The following SIRT7 variants were observed in gnomAD, a reference collection of about 807,000 sequenced individuals.
SIRT7 encodes NAD-dependent protein deacetylase sirtuin-7.
A neutral mutation model predicts 42.8 loss-of-function variants in SIRT7; 32 were observed. That is an observed-to-expected ratio of 0.75 (90% confidence interval 0.56 to 1.00). The LOEUF (loss-of-function observed/expected upper bound fraction) is 1.00, where lower values mean the gene tolerates loss of function less well. SIRT7 is among the 50% of genes least tolerant of loss of function. The pLI, the probability that SIRT7 is intolerant of heterozygous loss-of-function variation, is 0.00. For missense variants in SIRT7, 553 were observed against 572.2 expected, an observed-to-expected ratio of 0.97 and a Z score of 0.34; for synonymous variants, 297 against 245.2, an observed-to-expected ratio of 1.21 and a Z score of -1.97.
chr17:81,914,105 A>G lies in SIRT7; in HGVS notation c.879T>C (p.Leu293=), dbSNP rs74006135. 21,129 of 1,613,316 alleles carry G rather than the reference A, an allele frequency of 0.013. 2,378 individuals are homozygous for G. In the African/African-American group the frequency reaches 0.24, roughly 19 times the overall value. ...GAGTTACCTGCAGGTTCACGATGTA[A>G]AGCTTCGGCCGCCGGCTAGGGGGCT... ...MTKPPSRRPK[L]YIVNLQWTPK... Residue 293 remains leucine (L), a synonymous_variant, in exon 8 of 10, where the codon CTT becomes CTC. Transcript: ENST00000328666.
Position 81,913,271 on chromosome 17 carries a change from T to C in SIRT7, c.1004+503A>G, listed in dbSNP as rs1167408581. 4.4e-6 allele frequency: 2 copies of C among 455,874 alleles called. No homozygotes were observed. The highest frequency in any genetic ancestry group is 8.8e-6 in the Non-Finnish European group (2 of 227,016). The allele number at this position is 455,874 out of a possible 1,614,324, so 28.2% of individuals were successfully genotyped here. ...TCTTGAACCCTTTGATTAAAAGAAG[T>C]TATTGATTTCCCCTATAAGACCCTG... On this transcript the variant is annotated intron_variant, in intron 9 of 9. Coordinates refer to ENST00000328666, the MANE Select transcript of SIRT7 (RefSeq NM_016538.3). The surrounding 1 kb of genome is among the most constrained non-coding windows in gnomAD (Gnocchi z 5.0).
chr17:81,914,113 GC>G lies in SIRT7; in HGVS notation c.870del (p.Pro291ArgfsTer6). 6.2e-7 allele frequency: 1 copy of G among 1,613,558 alleles called. No individual in the cohort carries two copies. The highest frequency in any genetic ancestry group is 8.5e-7 in the Non-Finnish European group (1 of 1,180,014). On this transcript the variant is annotated frameshift_variant, in exon 8 of 10. Coordinates refer to ENST00000328666, the MANE Select transcript of SIRT7 (RefSeq NM_016538.3). LOFTEE classifies it high-confidence loss of function. ...LWCMTKPPSR[R>X]PKLYIVNLQW... ...TGCAGGTTCACGATGTAAAGCTTCG[GC>G]CGCCGGCTAGGGGGCTTGGTCATGC...
chr17:81,913,967 G>C lies in SIRT7; in HGVS notation c.898-87C>G. 1 of 1,545,948 alleles carries C rather than the reference G, an allele frequency of 6.5e-7. No individual in the cohort carries two copies. The highest frequency in any genetic ancestry group is 1.1e-5 in the South Asian group (1 of 87,014). Reference sequence around the variant, plus strand: ...GCCTTGGCCCCTACGGGCTCAGTCGGTGCTCCCTGAGCACCCACGGGGGCC... The same window carrying C: ...GCCTTGGCCCCTACGGGCTCAGTCGCTGCTCCCTGAGCACCCACGGGGGCC... On this transcript the variant is annotated intron_variant, in intron 8 of 9. Coordinates refer to ENST00000328666, the MANE Select transcript of SIRT7 (RefSeq NM_016538.3). This position sits in a 1 kb window ranked among gnomAD's most constrained non-coding sequence, Gnocchi z 5.0.
chr17:81,914,322 G>T lies in SIRT7; in HGVS notation c.788C>A (p.Thr263Asn). ...AATEAASRAD[T>N]ILCLGSSLKV... ...CAGGCTGGACCCTAGACACAGGATG[G>T]TGTCTGCTCTGCTGGCAGCCTCGGT... Residue 263 changes from threonine to asparagine, a missense_variant, in exon 7 of 10, where the codon ACC (threonine) becomes AAC (asparagine). Physicochemically the swap from Thr to Asn is moderately conservative, Grantham distance 65. Coordinates refer to ENST00000328666, the MANE Select transcript of SIRT7 (RefSeq NM_016538.3). The T allele has an allele frequency of 6.2e-7, 1 of 1,613,108 alleles. No individual in the cohort carries two copies. The highest frequency in any genetic ancestry group is 8.5e-7 in the Non-Finnish European group (1 of 1,180,020).
rs748285777 is a variant in SIRT7, at chr17:81,912,080, G to C, written c.*336C>G. ...TTAAGTAGTAGTAGAAATACGGTGA[G>C]GCCCTGAGACTGGCCTGGTGAGCGA... On this transcript the variant is annotated 3_prime_UTR_variant, in exon 10 of 10. Transcript: ENST00000328666. 4.7e-6 allele frequency: 2 copies of C among 421,354 alleles called. No individual in the cohort carries two copies. The highest frequency in any genetic ancestry group is 8.2e-5 in the Admixed American group (2 of 24,500). The allele number at this position is 421,354 out of a possible 1,614,324, so 26.1% of individuals were successfully genotyped here.
chr17:81,914,682 C>G lies in SIRT7; in HGVS notation c.501G>C (p.Gln167His), dbSNP rs1215884785. 1 of 1,612,832 alleles carries G rather than the reference C, an allele frequency of 6.2e-7. No individual in the cohort carries two copies. Among genetic ancestry groups the G allele is most frequent in the Non-Finnish European group, 8.5e-7 (1 of 1,179,990 alleles). The part of the protein sequence containing the change: ...EQKLVQHVVS[Q>H]NCDGLHLRSG... ...TCCTCAGGTGGAGCCCGTCACAGTT[C>G]TGAGACACCACATGCTGCACCTGGA... The change falls in exon 6 of 10, where the codon CAG (glutamine) becomes CAC (histidine). Residue 167 changes from glutamine to histidine, a missense_variant. Physicochemically the swap from Gln to His is conservative, Grantham distance 24 (BLOSUM62 0). Coordinates refer to ENST00000328666, the MANE Select transcript of SIRT7 (RefSeq NM_016538.3).
chr17:81,917,971 C>A lies in SIRT7; in HGVS notation c.94-4G>T. 1 of 1,339,628 alleles carries A rather than the reference C, an allele frequency of 7.5e-7. No individual in the cohort carries two copies. The allele number at this position is 1,339,628 out of a possible 1,614,324, so 83.0% of individuals were successfully genotyped here. Reference sequence around the variant, plus strand: ...CCTTCCTCAGGATGCGCGACACCTGCGGGCAGGCGGACGGTGAGCGGCGGC... The same window carrying A: ...CCTTCCTCAGGATGCGCGACACCTGAGGGCAGGCGGACGGTGAGCGGCGGC... On this transcript the variant is annotated splice_region_variant and splice_polypyrimidine_tract_variant and intron_variant, in intron 1 of 9. Transcript: ENST00000328666.
In SIRT7 at chr17:81,913,668, C is replaced by T. The variant is rs2040736666; in HGVS notation, c.1004+106G>A. ...CGCTTCAGTCATGCCTCAGGCACCACTGCAAACACCTCAGAGCTTCCTCCA... is the reference window on the plus strand; with the variant it reads ...CGCTTCAGTCATGCCTCAGGCACCATTGCAAACACCTCAGAGCTTCCTCCA... On this transcript the variant is annotated intron_variant, in intron 9 of 9. Coordinates refer to ENST00000328666, the MANE Select transcript of SIRT7 (RefSeq NM_016538.3). The surrounding 1 kb of genome is among the most constrained non-coding windows in gnomAD (Gnocchi z 5.0). 1 of 1,010,986 alleles carries T rather than the reference C, an allele frequency of 9.9e-7. No individual in the cohort carries two copies. The allele number at this position is 1,010,986 out of a possible 1,614,324, so 62.6% of individuals were successfully genotyped here.
chr17:81,917,631 C>T lies in SIRT7; in HGVS notation c.320G>A (p.Gly107Asp). 6.2e-7 allele frequency: 1 copy of T among 1,606,222 alleles called. No individual in the cohort carries two copies. Among genetic ancestry groups the T allele is most frequent in the Non-Finnish European group, 8.5e-7 (1 of 1,176,390 alleles). Residue 107 changes from glycine (G) to aspartate (D), a missense_variant, in exon 3 of 10, where the codon GGC becomes GAC. Gly to Asp is a moderately conservative substitution (Grantham distance 94). Coordinates refer to ENST00000328666, the MANE Select transcript of SIRT7 (RefSeq NM_016538.3). Reference sequence around the variant, plus strand: ...CCTCCCTACCGTGCTGATTCCCGCGCCTGTGTAGACGACCAAGTATTTGGC... The same window carrying T: ...CCTCCCTACCGTGCTGATTCCCGCGTCTGTGTAGACGACCAAGTATTTGGC... ...RNAKYLVVYT[G>D]AGISTAASIP...
chr17:81,914,511 G>A lies in SIRT7; in HGVS notation c.599C>T (p.Pro200Leu). The A allele has an allele frequency of 1.2e-6, 2 of 1,613,240 alleles. No homozygotes were observed. The highest frequency in any genetic ancestry group is 1.1e-5 in the South Asian group (1 of 91,086). The change falls in exon 7 of 10, where the codon CCC (proline) becomes CTC (leucine). Residue 200 changes from proline (P) to leucine (L), a missense_variant. By Grantham distance (98) the Pro-to-Leu change is moderately conservative. Transcript: ENST00000328666. Reference sequence around the variant, plus strand: ...GAACACCCGCACGTACTCCCTGTTGGGAACGCAGGAGGTACAGACCTAGAG... The same window carrying A: ...GAACACCCGCACGTACTCCCTGTTGAGAACGCAGGAGGTACAGACCTAGAG... ...MYIEVCTSCV[P>L]NREYVRVFDV...
In SIRT7 at chr17:81,913,921, A is replaced by G. The variant is rs2040741304; in HGVS notation, c.898-41T>C. The G allele has an allele frequency of 6.5e-7, 1 of 1,544,480 alleles. No individual in the cohort carries two copies. The highest frequency in any genetic ancestry group is 8.8e-7 in the Non-Finnish European group (1 of 1,140,938). On this transcript the variant is annotated intron_variant, in intron 8 of 9. Coordinates refer to ENST00000328666, the MANE Select transcript of SIRT7 (RefSeq NM_016538.3). The surrounding 1 kb of genome is among the most constrained non-coding windows in gnomAD (Gnocchi z 5.0). ...GCCGAGTGAGAGTAACAGCAGCCCA[A>G]CCCTTCCCGGTGGCCTGTCAGCCTT...
chr17:81,915,159 C>T lies in SIRT7; in HGVS notation c.480+281G>A. The T allele has an allele frequency of 5.4e-6, 3 of 551,666 alleles. 1 individual carries two copies. The allele number at this position is 551,666 out of a possible 1,614,324, so 34.2% of individuals were successfully genotyped here. On this transcript the variant is annotated intron_variant, in intron 5 of 9. Transcript: ENST00000328666. ...GCCTCCCCTGTGACTAGGATGGCTT[C>T]TGAGGTCCACAGAAAAATGCAAGGG...
Position 81,912,057 on chromosome 17 carries a change from A to T in SIRT7, c.*359T>A, listed in dbSNP as rs1174826609. On this transcript the variant is annotated 3_prime_UTR_variant, in exon 10 of 10. Transcript: ENST00000328666. ...TCTATAAAGTTCACACTTTTTCATT[A>T]AGTAGTAGTAGAAATACGGTGAGGC... is the stretch of plus-strand genomic sequence containing the variant. The T allele has an allele frequency of 7.3e-5, 26 of 354,768 alleles. No homozygotes were observed. Among genetic ancestry groups the T allele is most frequent in the East Asian group, 2.3e-4 (3 of 12,770 alleles). The allele number at this position is 354,768 out of a possible 1,614,324, so 22.0% of individuals were successfully genotyped here.
At chr17:81,916,036 C>G in intron 3 of SIRT7, 2 of 327,346 alleles carry the variant, frequency 6.1e-6, no homozygotes, top group Non-Finnish European at 6.0e-6. Context: ...AAAGTGCCCC[C>G]AGGGCCGAGC....
rs755039346 is a variant in SIRT7 at position 81,914,473 on chromosome 17, G to A, written c.637C>T (p.Arg213Cys). ...EYVRVFDVTE[R>C]TALHRHQTGR... ...GTCTGGTGTCTGTGGAGGGCAGTGC[G>A]CTCCGTCACATCGAACACCCGCACG... Residue 213 changes from arginine (R) to cysteine (C), a missense_variant, in exon 7 of 10, where the codon CGC (arginine) becomes TGC (cysteine). Coordinates refer to ENST00000328666, the MANE Select transcript of SIRT7 (RefSeq NM_016538.3). 7.4e-6 allele frequency: 12 copies of A among 1,612,968 alleles called. No homozygotes were observed. The highest frequency in any genetic ancestry group is 2.2e-5 in the South Asian group (2 of 91,092).
chr17:81,913,895 A>G lies in SIRT7; in HGVS notation c.898-15T>C. 6.5e-7 allele frequency: 1 copy of G among 1,550,268 alleles called. No homozygotes were observed. Among genetic ancestry groups the G allele is most frequent in the Admixed American group, 2.0e-5 (1 of 51,116 alleles). The stretch of plus-strand genomic sequence containing the variant: ...TTCGGGGTCCACTGAGGACAGGGAA[A>G]GCCGAGTGAGAGTAACAGCAGCCCA... On this transcript the variant is annotated splice_polypyrimidine_tract_variant and intron_variant, in intron 8 of 9. Coordinates refer to ENST00000328666, the MANE Select transcript of SIRT7 (RefSeq NM_016538.3). This position sits in a 1 kb window ranked among gnomAD's most constrained non-coding sequence, Gnocchi z 5.0.
Position 81,912,213 on chromosome 17 carries a change from G to A in SIRT7, c.*203C>T, listed in dbSNP as rs2143771729. On this transcript the variant is annotated 3_prime_UTR_variant, in exon 10 of 10. Coordinates refer to ENST00000328666, the MANE Select transcript of SIRT7 (RefSeq NM_016538.3). Reference sequence around the variant, plus strand: ...ACCTCTTGACACAGAGGCCGGATGGGCAGGTGTCCTCGATGGCCAGGCCGT... The same window carrying A: ...ACCTCTTGACACAGAGGCCGGATGGACAGGTGTCCTCGATGGCCAGGCCGT... 3.2e-6 allele frequency: 2 copies of A among 633,518 alleles called. No individual in the cohort carries two copies. The highest frequency in any genetic ancestry group is 1.9e-5 in the South Asian group (1 of 53,624). The allele number at this position is 633,518 out of a possible 1,614,324, so 39.2% of individuals were successfully genotyped here.
At chr17:81,914,841 CT>C in intron 5 of SIRT7, 139 bp from the exon 6 acceptor site, 1 of 676,544 alleles carries the variant, frequency 1.5e-6, no homozygotes, top group South Asian at 1.7e-5. Context: ...CCCAGAGAGC[CT>C]TAGAAAGTAA....
chr17:81,918,117 A>AC lies in SIRT7; in HGVS notation c.14dup (p.Leu6SerfsTer118). The AC allele has an allele frequency of 1.9e-6, 3 of 1,549,214 alleles. No individual in the cohort carries two copies. The highest frequency in any genetic ancestry group is 2.3e-4 in the Middle Eastern group (1 of 4,318). ...CCGCTTTGCGCTCGGAGCGGCTCAG[A>AC]CCCCCGGCTGCCATCGCTCCCCTGG... On this transcript the variant is annotated frameshift_variant, in exon 1 of 10. Transcript: ENST00000328666. LOFTEE classifies it high-confidence loss of function.
Sources: allele counts gnomAD v4.1 joint callset, GRCh38; gene constraint gnomAD v4.1.1; non-coding constraint Gnocchi (gnomAD v3.1); transcripts MANE v1.5; gene names NCBI Gene and HGNC (gene_info 2026-07-23, HGNC 2026-07-21).